Variants in SLC9A9 observed in about 807,000 individuals in gnomAD.
SLC9A9 encodes the protein solute carrier family 9 member A9, also known as sodium/hydrogen exchanger 9.
SLC9A9 carries 62 observed loss-of-function variants against 77.8 expected under a neutral mutation model. The ratio of observed to expected loss-of-function variants is 0.80; its 90% CI spans 0.65 to 0.98. The LOEUF is 0.98. Ranked by LOEUF, SLC9A9 falls within the 50% of genes least tolerant of loss-of-function variation. SLC9A9 has a pLI of 0.00. For missense variants in SLC9A9, 775 were observed against 774.9 expected (o/e 1.00, Z 0.00); for synonymous variants, 320 against 283.5 (o/e 1.13, Z -1.29).
chr3:143,330,112 A>G (rs1369394006), intron 14 of SLC9A9, among the ~76,000 whole-genome samples: 2 of 152,194 alleles, frequency 1.3e-5, no homozygotes, highest in African/African-American at 4.8e-5. Context: ...GAGGTGAGGA[A>G]AGCTGTGTGA....
At chr3:143,313,982 G>A (rs1170879471) in intron 14 of SLC9A9, among the ~76,000 whole-genome samples, 1 of 152,226 alleles carries the variant, frequency 6.6e-6, no homozygotes, top group Non-Finnish European at 1.5e-5. Flanking sequence ...TGGGACTGCG[G>A]ATGTGAGGGC....
At chr3:143,655,406 C>T (rs1019181823) in intron 5 of SLC9A9, 4 of 905,734 alleles carry the variant, frequency 4.4e-6, no homozygotes, top group Non-Finnish European at 5.3e-6. Flanking sequence ...CTCTGGACAT[C>T]GTGTGGATAG....
intron 5 of SLC9A9, among the ~76,000 whole-genome samples, chr3:143,659,192 T>A (rs1007397291): frequency 6.6e-6 from 1 of 151,598 alleles, no homozygotes; most frequent in Non-Finnish European, 1.5e-5. Context: ...TATCTACAAA[T>A]CATGAAAAAA....
intron 4 of SLC9A9, among the ~76,000 whole-genome samples, chr3:143,753,180 C>T (rs2108826266): frequency 6.6e-6 from 1 of 152,310 alleles, no homozygotes; most frequent in African/African-American, 2.4e-5. Flanking sequence ...CTCACATCTG[C>T]CTCCAGGCTG....
At chr3:143,679,629 C>T (rs1019438738) in intron 5 of SLC9A9, among the ~76,000 whole-genome samples, 1 of 152,094 alleles carries the variant, frequency 6.6e-6, no homozygotes, top group African/African-American at 2.4e-5. Context: ...ACATCACTAC[C>T]CTGGGTTAGT....
At chr3:143,791,723 C>G (rs1375322702) in intron 4 of SLC9A9, among the ~76,000 whole-genome samples, 1 of 152,170 alleles carries the variant, frequency 6.6e-6, no homozygotes, top group African/African-American at 2.4e-5. Flanking sequence ...AAATTATTCT[C>G]AAAGAGTTTG....
At chr3:143,639,334 T>G (rs2038582531) in intron 6 of SLC9A9, among the ~76,000 whole-genome samples, 1 of 152,178 alleles carries the variant, frequency 6.6e-6, no homozygotes, top group African/African-American at 2.4e-5. Context: ...GTTCTTCTCA[T>G]AGACAGCCTG....
intron 8 of SLC9A9, among the ~76,000 whole-genome samples, chr3:143,561,041 C>T (rs1000861425): frequency 4.6e-5 from 7 of 152,016 alleles, no homozygotes; most frequent in Non-Finnish European, 1.0e-4. Flanking sequence ...ATTAGCCGGG[C>T]GTGGTGGTGT....
In SLC9A9 at chr3:143,583,904, A is replaced by G. The variant is rs573555461; in HGVS notation, c.756-5181T>C. ...CTACCATCTTTGGGTGGCAGGGATC[A>G]TCTGATCATATGAATTTGTTTTGTG... On this transcript the variant is annotated intron_variant, in intron 6 of 15. Transcript: ENST00000316549. Among the ~76,000 whole-genome samples, 19 of 152,314 alleles carry G rather than the reference A, an allele frequency of 1.2e-4. 1 individual carries two copies. In the South Asian group the frequency reaches 3.9e-3, roughly 32 times the overall value.
intron 9 of SLC9A9, among the ~76,000 whole-genome samples, chr3:143,545,267 C>A (rs1006792249): frequency 1.3e-5 from 2 of 152,238 alleles, no homozygotes; most frequent in South Asian, 4.1e-4. Flanking sequence ...ACCCAAAAAC[C>A]AGCTTCTCAT....
At chr3:143,767,580 T>A (rs1379259639) in intron 4 of SLC9A9, among the ~76,000 whole-genome samples, 1 of 152,160 alleles carries the variant, frequency 6.6e-6, no homozygotes, top group African/African-American at 2.4e-5. Flanking sequence ...AAGAACACCA[T>A]AGACTCCTTG....
At chr3:143,270,480 C>A (rs982991435) in intron 14 of SLC9A9, among the ~76,000 whole-genome samples, 4 of 152,118 alleles carry the variant, frequency 2.6e-5, no homozygotes, top group African/African-American at 4.8e-5. Context: ...TGGGGAGCTG[C>A]AGACTCAGGC....
At chr3:143,412,808 G>T (rs916301014) in intron 12 of SLC9A9, among the ~76,000 whole-genome samples, 4 of 152,326 alleles carry the variant, frequency 2.6e-5, no homozygotes, top group South Asian at 2.1e-4. Context: ...GTGAAGGCAG[G>T]TTCCAGGTCT....
At chr3:143,795,273 A>C (rs1203559351) in intron 3 of SLC9A9, among the ~76,000 whole-genome samples, 196 bp from the exon 4 acceptor site, 12 of 139,304 alleles carry the variant, frequency 8.6e-5, no homozygotes, top group African/African-American at 3.3e-4. Flanking sequence ...GGGAAAAGTC[A>C]AGAAGCAGAA....
chr3:143,361,898 T>C (rs1318839820), intron 14 of SLC9A9, among the ~76,000 whole-genome samples: 2 of 152,174 alleles, frequency 1.3e-5, no homozygotes, highest in East Asian at 1.9e-4. Context: ...GCTTTCCTCA[T>C]AGCATTGTCA....
intron 12 of SLC9A9, among the ~76,000 whole-genome samples, chr3:143,448,907 TG>T (rs71766216): frequency 6.3e-5 from 2 of 31,564 alleles, no homozygotes; most frequent in African/African-American, 8.2e-4. Flanking sequence ...ATATATAATA[TG>T]ATATATATTA....
intron 4 of SLC9A9, among the ~76,000 whole-genome samples, chr3:143,786,472 T>C (rs549105140): frequency 6.6e-6 from 1 of 152,292 alleles, no homozygotes; most frequent in East Asian, 1.9e-4. Context: ...GATTGGTGAA[T>C]GATACACGGG....
intron 14 of SLC9A9, among the ~76,000 whole-genome samples, chr3:143,299,617 G>A (rs1479932832): frequency 6.6e-6 from 1 of 152,074 alleles, no homozygotes; most frequent in South Asian, 2.1e-4. Flanking sequence ...CTAATTTTTT[G>A]TATTTTTAGT....
chr3:143,452,185 AG>A (rs1226159618), intron 12 of SLC9A9, among the ~76,000 whole-genome samples: 15 of 152,152 alleles, frequency 9.9e-5, no homozygotes. Flanking sequence ...CTAATTACAA[AG>A]GTAAAAATAT....
Sources: gnomAD v4.1 joint callset for allele counts (sites outside exome capture counted in the v4.1 genomes callset) on GRCh38, gnomAD v4.1.1 for gene constraint, MANE v1.5 for transcripts, NCBI Gene and HGNC (gene_info 2026-07-23, HGNC 2026-07-21) for gene names.